Variants in EFNA5 observed in about 807,000 individuals in gnomAD.
The protein encoded by EFNA5 is ephrin A5.
A neutral mutation model predicts 22.9 loss-of-function variants in EFNA5; 5 were observed. That is an observed-to-expected ratio of 0.22 (90% CI 0.11 to 0.46). The LOEUF (loss-of-function observed/expected upper bound fraction) is 0.46, where lower values mean the gene tolerates loss of function less well. EFNA5 is among the 20% of genes least tolerant of loss of function. The pLI, the probability that EFNA5 is intolerant of heterozygous loss-of-function variation, is 0.99. For missense variants in EFNA5, 237 were observed against 293.3 expected (o/e 0.81, Z 1.40); for synonymous variants, 113 against 112.2 (o/e 1.01, Z -0.04).
At chr5:107,405,726 A>C (rs1179348511) in intron 2 of EFNA5, among the ~76,000 whole-genome samples, 1 of 151,858 alleles carries the variant, frequency 6.6e-6, no homozygotes, top group Non-Finnish European at 1.5e-5. Context: ...CTGTGTTCTA[A>C]ACTCTCCAAT....
intron 1 of EFNA5, among the ~76,000 whole-genome samples, chr5:107,610,882 A>G (rs1015521805): frequency 6.6e-6 from 1 of 152,192 alleles, no homozygotes; most frequent in African/African-American, 2.4e-5. Flanking sequence ...TATAGCAAGC[A>G]GAGAATTTTC....
intron 1 of EFNA5, among the ~76,000 whole-genome samples, chr5:107,483,969 T>C (rs1750551211): frequency 6.6e-6 from 1 of 152,200 alleles, no homozygotes; most frequent in African/African-American, 2.4e-5. Context: ...CTTTTATTTA[T>C]ACACTGGAAT....
chr5:107,588,499 G>C (rs1749242501), intron 1 of EFNA5, among the ~76,000 whole-genome samples: 2 of 152,200 alleles, frequency 1.3e-5, no homozygotes, highest in African/African-American at 4.8e-5. Context: ...AGGCCATCCT[G>C]TTCATAGACC....
intron 1 of EFNA5, among the ~76,000 whole-genome samples, chr5:107,513,278 G>A (rs1211609549): frequency 2.0e-5 from 3 of 152,076 alleles, no homozygotes; most frequent in Non-Finnish European, 4.4e-5. Flanking sequence ...GAGAGAGAGA[G>A]ACTCTATCAA....
At chr5:107,658,402 T>C (rs1228539486) in intron 1 of EFNA5, among the ~76,000 whole-genome samples, 1 of 152,186 alleles carries the variant, frequency 6.6e-6, no homozygotes, top group Non-Finnish European at 1.5e-5. Flanking sequence ...AGACCAAATC[T>C]TATAATGAAA....
chr5:107,527,880 C>T (rs575117406), intron 1 of EFNA5, among the ~76,000 whole-genome samples: 23 of 152,080 alleles, frequency 1.5e-4, no homozygotes, highest in African/African-American at 4.6e-4. Context: ...GCTCTGACTC[C>T]GGGGCCTTCT....
chr5:107,425,229 C>G (rs1375825946), intron 2 of EFNA5, among the ~76,000 whole-genome samples: 2 of 152,146 alleles, frequency 1.3e-5, no homozygotes, highest in African/African-American at 4.8e-5. Flanking sequence ...TAACATCTTG[C>G]TTATGAAGCT....
chr5:107,546,721 T>A (rs201744147), intron 1 of EFNA5, among the ~76,000 whole-genome samples: 4 of 147,468 alleles, frequency 2.7e-5, no homozygotes, highest in South Asian at 2.1e-4. Flanking sequence ...ATTTTTTTTT[T>A]AAATAAAATA....
chr5:107,619,524 C>T (rs757646297), intron 1 of EFNA5, among the ~76,000 whole-genome samples: 15 of 149,156 alleles, frequency 1.0e-4, no homozygotes, highest in Admixed American at 6.7e-4. Context: ...GTGCAGTGGT[C>T]TGATCTCAGC....
intron 2 of EFNA5, among the ~76,000 whole-genome samples, chr5:107,418,651 C>T (rs1373370843): frequency 6.6e-6 from 1 of 152,206 alleles, no homozygotes; most frequent in African/African-American, 2.4e-5. Context: ...AACTTCTCGT[C>T]TGAGTGTCAC....
intron 2 of EFNA5, among the ~76,000 whole-genome samples, chr5:107,395,298 C>CA (rs1747893779): frequency 6.6e-6 from 1 of 151,916 alleles, no homozygotes; most frequent in East Asian, 1.9e-4. Flanking sequence ...CTCAGCCTGC[C>CA]AAAGTGCTGA....
Position 107,427,320 on chromosome 5 carries a change from A to G in EFNA5, c.315T>C (p.Pro105=), listed in dbSNP as rs1358233708. ...ACTTCAGCGGTCCATTTGGAGAGTG[A>G]GGCCGGTTACATTCCCATCTCTTGA... ...KGFKRWECNR[P]HSPNGPLKFS... is the part of the protein sequence containing the mutation. The change falls in exon 2 of 5, where the codon CCT becomes CCC. Residue 105 remains proline, a synonymous_variant. Transcript: ENST00000333274. 6.2e-7 allele frequency: 1 copy of G among 1,614,156 alleles called. No homozygotes were observed. Among genetic ancestry groups the G allele is most frequent in the South Asian group, 1.1e-5 (1 of 91,086 alleles).
intron 1 of EFNA5, among the ~76,000 whole-genome samples, chr5:107,666,512 T>C (rs534700702): frequency 3.3e-5 from 5 of 152,246 alleles, no homozygotes; most frequent in African/African-American, 1.2e-4. Flanking sequence ...CTACAAGAAT[T>C]GAAAAAGTCC....
intron 1 of EFNA5, among the ~76,000 whole-genome samples, chr5:107,636,303 G>A (rs1170883982): frequency 6.6e-6 from 1 of 152,164 alleles, no homozygotes; most frequent in Non-Finnish European, 1.5e-5. Context: ...CTCCCCACAC[G>A]CTGCATATGC....
At chr5:107,544,369 A>T (rs1318220427) in intron 1 of EFNA5, among the ~76,000 whole-genome samples, 1 of 152,202 alleles carries the variant, frequency 6.6e-6, no homozygotes, top group Non-Finnish European at 1.5e-5. Context: ...CCTAGCATCC[A>T]TAGTGTCCTT....
rs74645215 is a variant in EFNA5, at chr5:107,440,087, T to C, written c.126-12578A>G. ...CCTCCCCACACTCATTAAAAGGATA[T>C]CCATTCATACAGCTGGATCCTCTAT... On this transcript the variant is annotated intron_variant, in intron 1 of 4. Coordinates refer to ENST00000333274, the MANE Select transcript of EFNA5 (RefSeq NM_001962.3). Among the ~76,000 whole-genome samples, 248 of 152,288 alleles carry C rather than the reference T, an allele frequency of 1.6e-3. 1 individual carries two copies. The highest frequency in any genetic ancestry group is 5.7e-3 in the African/African-American group (237 of 41,554).
intron 1 of EFNA5, among the ~76,000 whole-genome samples, chr5:107,519,483 T>C (rs1190901618): frequency 6.6e-6 from 1 of 152,224 alleles, no homozygotes; most frequent in Non-Finnish European, 1.5e-5. Context: ...TTAATCCATT[T>C]CATCCTGTAG....
At chr5:107,581,088 T>A (rs1705472384) in intron 1 of EFNA5, among the ~76,000 whole-genome samples, 1 of 152,236 alleles carries the variant, frequency 6.6e-6, no homozygotes, top group Non-Finnish European at 1.5e-5. Context: ...CTCATTAAAG[T>A]TGAGCAATTC....
intron 1 of EFNA5, among the ~76,000 whole-genome samples, chr5:107,530,519 C>T (rs1747787853): frequency 6.6e-6 from 1 of 152,208 alleles, no homozygotes; most frequent in Non-Finnish European, 1.5e-5. Context: ...AAACATTTTG[C>T]TCTTGATGTC....
Sources: allele counts gnomAD v4.1 joint callset (sites outside exome capture counted in the v4.1 genomes callset), GRCh38; gene constraint gnomAD v4.1.1; transcripts MANE v1.5; gene names NCBI Gene and HGNC (gene_info 2026-07-23, HGNC 2026-07-21).